Variants in STAT5A observed in about 807,000 individuals in gnomAD.
The protein encoded by STAT5A is signal transducer and activator of transcription 5A.
A neutral mutation model predicts 100.2 loss-of-function variants in STAT5A; 26 were observed. The observed-to-expected ratio is 0.26, with a 90% CI of 0.19 to 0.36. The LOEUF (loss-of-function observed/expected upper bound fraction) is 0.36. Among genes scored for constraint, STAT5A ranks in the 10% least tolerant of loss-of-function variants. STAT5A has a pLI of 1.00. For missense variants in STAT5A, 634 were observed against 1,027.5 expected (o/e 0.62, Z 5.24); for synonymous variants, 330 against 424.3 (o/e 0.78, Z 2.73).
intron 4 of STAT5A, 49 bp downstream of exon 4, chr17:42,292,110 T>C (rs761841447): frequency 2.5e-6 from 4 of 1,596,378 alleles, no homozygotes; most frequent in Non-Finnish European, 3.4e-6. Flanking sequence ...TCCCTCCATA[T>C]GCCTTTCTCT....
chr17:42,306,294 G>A lies in STAT5A; in HGVS notation c.1527G>A (p.Glu509=). 1.9e-6 allele frequency: 3 copies of A among 1,614,042 alleles called. No homozygotes were observed. Among genetic ancestry groups the A allele is most frequent in the Non-Finnish European group, 2.5e-6 (3 of 1,179,932 alleles). Reference sequence around the variant, plus strand: ...AAGTGCTGTGGCCGCAGCTGTGTGAGGCGCTCAACATGAAATTCAAGGCCG... The same window carrying A: ...AAGTGCTGTGGCCGCAGCTGTGTGAAGCGCTCAACATGAAATTCAAGGCCG... ...PDKVLWPQLC[E]ALNMKFKAEV... Residue 509 remains glutamate (E), a synonymous_variant, in exon 13 of 19, where the codon GAG becomes GAA. Transcript: ENST00000590949.
intron 4 of STAT5A, 103 bp from the exon 5 acceptor site, chr17:42,295,516 T>C: frequency 1.6e-6 from 2 of 1,228,258 alleles, no homozygotes; most frequent in Non-Finnish European, 1.1e-6. Flanking sequence ...TTACCCTAGT[T>C]TGGGGTTTGG....
chr17:42,307,393 G>C lies in STAT5A; in HGVS notation c.1681-9G>C. ...ACCAGCCCTGACTCGGGGGTTCCTGGGCCCTCAGGAGAACTTGCCGGGCTG... is the reference window on the plus strand; with the variant it reads ...ACCAGCCCTGACTCGGGGGTTCCTGCGCCCTCAGGAGAACTTGCCGGGCTG... On this transcript the variant is annotated splice_polypyrimidine_tract_variant and intron_variant, in intron 13 of 18. Coordinates refer to ENST00000590949, the MANE Select transcript of STAT5A (RefSeq NM_001288718.2). The C allele has an allele frequency of 6.2e-7, 1 of 1,613,104 alleles. No homozygotes were observed. The highest frequency in any genetic ancestry group is 8.5e-7 in the Non-Finnish European group (1 of 1,179,550).
chr17:42,310,383 C>T, intron 18 of STAT5A, 124 bp from the exon 19 acceptor site: 2 of 1,077,344 alleles, frequency 1.9e-6, no homozygotes, highest in Non-Finnish European at 2.7e-6. Context: ...TGGGGGCATC[C>T]AGCCAGAACT....
chr17:42,296,330 G>C (rs1176618435), intron 5 of STAT5A, among the ~76,000 whole-genome samples: 2 of 152,114 alleles, frequency 1.3e-5, no homozygotes, highest in Non-Finnish European at 2.9e-5. Flanking sequence ...CTGGGGGAAG[G>C]GGTGACAGTA....
At position 42,307,394 on chromosome 17, in the gene STAT5A, G is replaced by A. The variant is rs1567694123; in HGVS notation, c.1681-8G>A. 6.2e-7 allele frequency: 1 copy of A among 1,613,182 alleles called. No individual in the cohort carries two copies. ...CCAGCCCTGACTCGGGGGTTCCTGG[G>A]CCCTCAGGAGAACTTGCCGGGCTGG... On this transcript the variant is annotated splice_polypyrimidine_tract_variant and splice_region_variant and intron_variant, in intron 13 of 18. Coordinates refer to ENST00000590949, the MANE Select transcript of STAT5A (RefSeq NM_001288718.2).
intron 5 of STAT5A, among the ~76,000 whole-genome samples, chr17:42,297,452 G>A (rs1256907124): frequency 6.6e-6 from 1 of 152,020 alleles, no homozygotes; most frequent in Non-Finnish European, 1.5e-5. Flanking sequence ...TTCAGGTTGG[G>A]TTTGGATCTA....
At chr17:42,301,201 C>G in intron 8 of STAT5A, 74 bp from the exon 9 acceptor site, 1 of 1,567,716 alleles carries the variant, frequency 6.4e-7, no homozygotes, top group Non-Finnish European at 8.7e-7. Context: ...GCCCCACCCC[C>G]ACCACAGAGG....
At chr17:42,298,769 G>C (rs1030559793) in intron 5 of STAT5A, among the ~76,000 whole-genome samples, 1 of 152,186 alleles carries the variant, frequency 6.6e-6, no homozygotes, top group Non-Finnish European at 1.5e-5. Flanking sequence ...TTACAGGCGT[G>C]AGCCACTGCG....
At position 42,288,972 on chromosome 17, in the gene STAT5A, C is replaced by T. The variant is rs2080841035; in HGVS notation, c.-11+374C>T. ...AAAAGCCCTAGCCGTCGAGTGGGAG[C>T]CGTCGTGGCGCTGGCCTAACTTCGG... On this transcript the variant is annotated intron_variant, in intron 1 of 18. Coordinates refer to ENST00000590949, the MANE Select transcript of STAT5A (RefSeq NM_001288718.2). The surrounding 1 kb of genome is among the most constrained non-coding windows in gnomAD (Gnocchi z 4.8). Among the ~76,000 whole-genome samples, 1 of 152,242 alleles carries T rather than the reference C, an allele frequency of 6.6e-6. No individual in the cohort carries two copies. Among genetic ancestry groups the T allele is most frequent in the South Asian group, 2.1e-4 (1 of 4,834 alleles).
Position 42,310,804 on chromosome 17 carries a change from T to C in STAT5A, c.*135T>C, listed in dbSNP as rs2081073727. On this transcript the variant is annotated 3_prime_UTR_variant, in exon 19 of 19. Coordinates refer to ENST00000590949, the MANE Select transcript of STAT5A (RefSeq NM_001288718.2). The stretch of plus-strand genomic sequence containing the variant: ...TGTGTGTGTGTGTGTGTGTGTGTCC[T>C]TGTGCATGAGCTACGCCTGCCTCCC... 7.1e-7 allele frequency: 1 copy of C among 1,406,060 alleles called. No homozygotes were observed. Among genetic ancestry groups the C allele is most frequent in the Non-Finnish European group, 9.6e-7 (1 of 1,043,316 alleles). 87.1% of individuals were successfully genotyped at this position (1,406,060 alleles called of 1,614,324 possible).
At position 42,288,792 on chromosome 17, in the gene STAT5A, A is replaced by C. The variant is rs2080838985; in HGVS notation, c.-11+194A>C. Among the ~76,000 whole-genome samples, 1 of 152,164 alleles carries C rather than the reference A, an allele frequency of 6.6e-6. No homozygotes were observed. Among genetic ancestry groups the C allele is most frequent in the Non-Finnish European group, 1.5e-5 (1 of 68,016 alleles). On this transcript the variant is annotated intron_variant, in intron 1 of 18. Coordinates refer to ENST00000590949, the MANE Select transcript of STAT5A (RefSeq NM_001288718.2). The surrounding 1 kb of genome is among the most constrained non-coding windows in gnomAD (Gnocchi z 4.8). ...GACAGGGGTCGGGGATGAAAGGCAG[A>C]GGCCAGGGAGGGCGCCGTCCTGGCA...
intron 3 of STAT5A, among the ~76,000 whole-genome samples, chr17:42,291,138 T>A (rs1264503367): frequency 6.6e-6 from 1 of 152,226 alleles, no homozygotes; most frequent in Non-Finnish European, 1.5e-5. Flanking sequence ...CATTAGATTC[T>A]CTTAAGAAGT....
rs897390194 is a variant in STAT5A at position 42,309,230 on chromosome 17, C to T, written c.2114+132C>T. 17 of 1,563,970 alleles carry T rather than the reference C, an allele frequency of 1.1e-5. No homozygotes were observed. In the African/African-American group the frequency reaches 1.9e-4, roughly 17 times the overall value. On this transcript the variant is annotated intron_variant, in intron 17 of 18. Coordinates refer to ENST00000590949, the MANE Select transcript of STAT5A (RefSeq NM_001288718.2). The stretch of plus-strand genomic sequence containing the variant: ...TGTCTCAGCCCTGGGGAGGGAGTCC[C>T]CTCTCCTGTAGCTGGAGCCCCAGGG...
At chr17:42,292,869 C>A (rs1466886360) in intron 4 of STAT5A, among the ~76,000 whole-genome samples, 1 of 152,120 alleles carries the variant, frequency 6.6e-6, no homozygotes, top group Non-Finnish European at 1.5e-5. Flanking sequence ...ACCTCATGAT[C>A]CACCCGCCTC....
At position 42,289,509 on chromosome 17, in the gene STAT5A, A is replaced by T. The variant is rs2080848684; in HGVS notation, c.98A>T (p.Tyr33Phe). ...GQHFPIEVRH[Y>F]LAQWIESQPW... ...CACTTCCCCATCGAGGTCCGGCACT[A>T]CTTGGCCCAGTGGATTGAGAGCCAG... The change falls in exon 2 of 19, where the codon TAC becomes TTC. Residue 33 changes from tyrosine (Y) to phenylalanine (F), a missense_variant. Physicochemically the swap from Tyr to Phe is conservative, Grantham distance 22. This residue lies in a region of STAT5A where 207 missense variants were observed against 256.6 expected (regional missense o/e 0.81). Transcript: ENST00000590949. The T allele has an allele frequency of 6.2e-7, 1 of 1,613,074 alleles. No individual in the cohort carries two copies. The highest frequency in any genetic ancestry group is 1.1e-5 in the South Asian group (1 of 91,074).
In STAT5A at chr17:42,304,709, GCCTGC is replaced by G. The variant is rs2081012222; in HGVS notation, c.1380+59_1380+63del. Reference sequence around the variant, plus strand: ...TCCAGGTCACCCAAGAGGTGGAGGGGCCTGCCTCAGGACTCCTGGCAGCAATGCCA... The same window carrying G: ...TCCAGGTCACCCAAGAGGTGGAGGGGCTCAGGACTCCTGGCAGCAATGCCA... On this transcript the variant is annotated intron_variant, in intron 11 of 18. Coordinates refer to ENST00000590949, the MANE Select transcript of STAT5A (RefSeq NM_001288718.2). This position sits in a 1 kb window ranked among gnomAD's most constrained non-coding sequence, Gnocchi z 4.8. 6 of 1,603,816 alleles carry G rather than the reference GCCTGC, an allele frequency of 3.7e-6. No homozygotes were observed. The Admixed American group carries it at 1.0e-4, about 27-fold the overall frequency.
chr17:42,305,220 C>A (rs139240281), intron 11 of STAT5A, among the ~76,000 whole-genome samples: 1 of 151,732 alleles, frequency 6.6e-6, no homozygotes, highest in Non-Finnish European at 1.5e-5. Context: ...AAGCAGATTG[C>A]GGCCATGGGT....
intron 4 of STAT5A, among the ~76,000 whole-genome samples, chr17:42,293,908 G>T (rs960302390): frequency 2.0e-5 from 3 of 152,146 alleles, no homozygotes; most frequent in Non-Finnish European, 4.4e-5. Context: ...GTGGGGAGTT[G>T]CCATGGATAA....
Sources: allele counts gnomAD v4.1 joint callset (sites outside exome capture counted in the v4.1 genomes callset), GRCh38; gene constraint gnomAD v4.1.1; regional missense constraint gnomAD v4.1.1; non-coding constraint Gnocchi (gnomAD v3.1); transcripts MANE v1.5; gene names NCBI Gene and HGNC (gene_info 2026-07-23, HGNC 2026-07-21).